The following PACSIN2 variants were observed in gnomAD, a reference collection of about 807,000 sequenced individuals.
PACSIN2 encodes protein kinase C and casein kinase substrate in neurons 2.
Under a neutral mutation model 63.8 loss-of-function variants are expected in PACSIN2, and 25 were observed. The observed-to-expected ratio is 0.39, with a 90% CI of 0.29 to 0.55. The LOEUF (loss-of-function observed/expected upper bound fraction) is 0.55. Among genes scored for constraint, PACSIN2 ranks in the 20% least tolerant of loss-of-function variants. PACSIN2 has a pLI of 0.62. For synonymous variants in PACSIN2, 255 were observed against 256.2 expected (o/e 1.00, Z 0.05); for missense variants, 518 against 646.9 (o/e 0.80, Z 2.16).
chr22:42,989,485 T>G (rs1922859762), intron 1 of PACSIN2, among the ~76,000 whole-genome samples: 3 of 115,368 alleles, frequency 2.6e-5, no homozygotes, highest in Admixed American at 2.0e-4. Flanking sequence ...GCAATAAGAG[T>G]GAAACTCCAT....
chr22:42,940,082 T>G (rs1001773492), intron 1 of PACSIN2, among the ~76,000 whole-genome samples: 2 of 152,142 alleles, frequency 1.3e-5, no homozygotes, highest in African/African-American at 2.4e-5. Context: ...GGGAAGCTCC[T>G]CCGAAGGCTG....
intron 5 of PACSIN2, among the ~76,000 whole-genome samples, chr22:42,886,414 A>AGG (rs1473008153): frequency 6.0e-5 from 8 of 133,744 alleles, no homozygotes; most frequent in East Asian, 2.2e-4. Flanking sequence ...AATGGTATGT[A>AGG]TGTAGGTAGG....
chr22:42,924,768 T>C (rs1280807746), intron 1 of PACSIN2, among the ~76,000 whole-genome samples: 1 of 151,384 alleles, frequency 6.6e-6, no homozygotes, highest in Non-Finnish European at 1.5e-5. Flanking sequence ...TCTTTTTTTT[T>C]TTTTTCGACA....
intron 1 of PACSIN2, among the ~76,000 whole-genome samples, chr22:42,972,669 T>C (rs1921413977): frequency 6.6e-6 from 1 of 152,170 alleles, no homozygotes; most frequent in African/African-American, 2.4e-5. Context: ...ATTCCACCTC[T>C]GGGCTTTCCG....
At chr22:42,939,846 C>A (rs1026452228) in intron 1 of PACSIN2, among the ~76,000 whole-genome samples, 1 of 152,194 alleles carries the variant, frequency 6.6e-6, no homozygotes, top group Admixed American at 6.5e-5. Context: ...TGCTTCTTCG[C>A]TAATTAACAC....
At chr22:42,981,803 C>G (rs1334926924) in intron 1 of PACSIN2, among the ~76,000 whole-genome samples, 7 of 126,190 alleles carry the variant, frequency 5.5e-5, no homozygotes. Flanking sequence ...CCCGGCCAGC[C>G]GCCCAGTCCG....
At chr22:42,889,550 A>G (rs1456023077) in intron 4 of PACSIN2, among the ~76,000 whole-genome samples, 1 of 152,174 alleles carries the variant, frequency 6.6e-6, no homozygotes, top group East Asian at 1.9e-4. Context: ...ATGTGACAAA[A>G]GCTAAGACAC....
At chr22:42,936,017 T>C (rs1382955158) in intron 1 of PACSIN2, among the ~76,000 whole-genome samples, 1 of 151,806 alleles carries the variant, frequency 6.6e-6, no homozygotes, top group African/African-American at 2.4e-5. Context: ...ATCGAGACCA[T>C]CCTGGCTAAC....
At chr22:42,998,277 T>C (rs1163606734) in intron 1 of PACSIN2, among the ~76,000 whole-genome samples, 2 of 152,208 alleles carry the variant, frequency 1.3e-5, no homozygotes, top group African/African-American at 2.4e-5. Flanking sequence ...GGAACCTTCT[T>C]TGCTGCTGCA....
chr22:42,899,819 A>C (rs1346950512), intron 2 of PACSIN2, among the ~76,000 whole-genome samples: 1 of 152,232 alleles, frequency 6.6e-6, no homozygotes, highest in Admixed American at 6.5e-5. Flanking sequence ...ACGCCGACAC[A>C]CTGACCCAGA....
chr22:42,871,514 G>A lies in PACSIN2; in HGVS notation c.1349-45C>T, dbSNP rs755350396. 26 of 1,428,814 alleles carry A rather than the reference G, an allele frequency of 1.8e-5. 1 individual carries two copies. In the South Asian group the frequency reaches 2.1e-4, roughly 11 times the overall value. The allele number at this position is 1,428,814 out of a possible 1,614,324, so 88.5% of individuals were successfully genotyped here. A position where few individuals can be genotyped will look rare whatever the true frequency, so the allele number is the denominator to read the frequency against. ...CCGTCTCCATGAGAGGTATGACACC[G>A]ACGGTGGGCTACAGAGCCGCATTCA... On this transcript the variant is annotated intron_variant, in intron 10 of 10. Coordinates refer to ENST00000263246, the MANE Select transcript of PACSIN2 (RefSeq NM_001184970.3). This position sits in a 1 kb window ranked among gnomAD's most constrained non-coding sequence, Gnocchi z 5.4.
intron 1 of PACSIN2, among the ~76,000 whole-genome samples, chr22:42,965,968 G>GT (rs1920950991): frequency 6.6e-6 from 1 of 152,112 alleles, no homozygotes; most frequent in Non-Finnish European, 1.5e-5. Flanking sequence ...ATGTGAAAAT[G>GT]TGATAGGTCA....
At chr22:42,981,359 G>C (rs1922104049) in intron 1 of PACSIN2, among the ~76,000 whole-genome samples, 3 of 145,662 alleles carry the variant, frequency 2.1e-5, no homozygotes, top group Non-Finnish European at 3.0e-5. Context: ...AGGTGGGGGG[G>C]GTCAGCCCCC....
At chr22:42,907,361 GCCTTA>G (rs1931146905) in intron 2 of PACSIN2, among the ~76,000 whole-genome samples, 1 of 152,230 alleles carries the variant, frequency 6.6e-6, no homozygotes, top group Non-Finnish European at 1.5e-5. Context: ...AGGAGTTGAT[GCCTTA>G]ATCCTTGCTC....
At chr22:42,880,447 AC>A (rs1259345962) in intron 7 of PACSIN2, among the ~76,000 whole-genome samples, 1 of 152,188 alleles carries the variant, frequency 6.6e-6, no homozygotes, top group African/African-American at 2.4e-5. Flanking sequence ...AATGGGATCA[AC>A]ACCAAGCCGG....
chr22:42,905,647 C>T (rs773418064), intron 2 of PACSIN2, among the ~76,000 whole-genome samples: 4 of 152,220 alleles, frequency 2.6e-5, no homozygotes, highest in African/African-American at 4.8e-5. Flanking sequence ...TGGCTGAGCA[C>T]GCAGGCCGAA....
intron 1 of PACSIN2, among the ~76,000 whole-genome samples, chr22:43,002,942 T>G (rs980362102): frequency 2.0e-5 from 3 of 152,240 alleles, no homozygotes; most frequent in Admixed American, 6.5e-5. Context: ...TGTCAGTTAT[T>G]GAAAAGGAAA....
intron 2 of PACSIN2, among the ~76,000 whole-genome samples, chr22:42,906,233 A>AG (rs1931063752): frequency 6.6e-6 from 1 of 152,256 alleles, no homozygotes; most frequent in Non-Finnish European, 1.5e-5. Context: ...TGACTGACCA[A>AG]GGGGGACAAA....
chr22:42,996,623 T>G (rs987697365), intron 1 of PACSIN2, among the ~76,000 whole-genome samples: 2 of 151,088 alleles, frequency 1.3e-5, no homozygotes, highest in Non-Finnish European at 2.9e-5. Flanking sequence ...GCCCTGGAGT[T>G]GGAGGCTGCA....
Sources: allele counts gnomAD v4.1 joint callset (sites outside exome capture counted in the v4.1 genomes callset), GRCh38; gene constraint gnomAD v4.1.1; non-coding constraint Gnocchi (gnomAD v3.1); transcripts MANE v1.5; gene names NCBI Gene and HGNC (gene_info 2026-07-23, HGNC 2026-07-21).